Variants in SYCP1 observed in about 807,000 individuals in gnomAD.
SYCP1 encodes the protein cancer/testis antigen 8.
In SYCP1, 64 loss-of-function variants were observed where a neutral mutation model predicts 153.1. The ratio of observed to expected loss-of-function variants is 0.42; its 90% confidence interval spans 0.34 to 0.51. The LOEUF is 0.51. Among genes scored for constraint, SYCP1 ranks in the 20% least tolerant of loss-of-function variants. SYCP1 has a pLI of 0.06. For synonymous variants in SYCP1, 384 were observed against 341.8 expected, an observed-to-expected ratio of 1.12 and a Z score of -1.36; for missense variants, 997 against 1,049.0, an observed-to-expected ratio of 0.95 and a Z score of 0.68.
intron 23 of SYCP1, among the ~76,000 whole-genome samples, chr1:114,932,447 G>A (rs902704225): frequency 6.6e-6 from 1 of 152,146 alleles, no homozygotes; most frequent in Non-Finnish European, 1.5e-5. Flanking sequence ...GTTGCAAGAT[G>A]GCTGAATAGG....
rs34553973 is a variant in SYCP1, at chr1:114,988,080, CAAA to C, written c.2703+3226_2703+3228del. On this transcript the variant is annotated intron_variant, in intron 30 of 31. Transcript: ENST00000369522. ...TGAAGTTACTGAGTCTGATAAACGG[CAAA>C]AAAAAAAAAAAAAGAAAAAGAAAAG... 1.6e-3 allele frequency among the ~76,000 whole-genome samples: 178 copies of C among 114,626 alleles called. 3 individuals carry two copies. The highest frequency in any genetic ancestry group is 6.2e-3 in the African/African-American group (160 of 25,708). 75.2% of individuals were successfully genotyped at this position (114,626 alleles called of 152,430 possible).
chr1:114,978,376 C>T (rs1570905770), intron 28 of SYCP1, among the ~76,000 whole-genome samples: 1 of 151,492 alleles, frequency 6.6e-6, no homozygotes, highest in South Asian at 2.1e-4. Context: ...TCCAGCTTCT[C>T]CTTTTCTTTA....
At chr1:114,911,914 A>G (rs1668207018) in intron 18 of SYCP1, among the ~76,000 whole-genome samples, 1 of 152,022 alleles carries the variant, frequency 6.6e-6, no homozygotes, top group African/African-American at 2.4e-5. Context: ...GTTTTTGCTG[A>G]TAAAGTGTCA....
chr1:114,921,578 C>G (rs1473417155), intron 20 of SYCP1, among the ~76,000 whole-genome samples: 1 of 150,830 alleles, frequency 6.6e-6, no homozygotes, highest in East Asian at 2.0e-4. Context: ...ACTGGGGAGG[C>G]TGAGGCAGGA....
chr1:114,889,719 T>C (rs1238893113), intron 15 of SYCP1, among the ~76,000 whole-genome samples: 1 of 152,204 alleles, frequency 6.6e-6, no homozygotes, highest in Non-Finnish European at 1.5e-5. Context: ...AGATCCCATT[T>C]ATCAATTTTG....
intron 14 of SYCP1, among the ~76,000 whole-genome samples, chr1:114,887,135 G>T (rs1224337985): frequency 6.6e-6 from 1 of 151,938 alleles, no homozygotes; most frequent in Non-Finnish European, 1.5e-5. Flanking sequence ...ATTTTTGATT[G>T]ACCTATCCAG....
intron 1 of SYCP1, 197 bp from the exon 2 acceptor site, chr1:114,855,244 A>G (rs940104878): frequency 3.4e-6 from 1 of 297,904 alleles, no homozygotes; most frequent in Non-Finnish European, 6.2e-6. Flanking sequence ...GGCGAAAGGG[A>G]GAAGGAAACG....
intron 30 of SYCP1, among the ~76,000 whole-genome samples, chr1:114,986,464 A>G (rs186992218): frequency 7.1e-4 from 108 of 152,172 alleles, no homozygotes; most frequent in Admixed American, 2.3e-3. Flanking sequence ...GAATGATTCA[A>G]CATGATTCAT....
intron 19 of SYCP1, among the ~76,000 whole-genome samples, chr1:114,913,539 G>A (rs1192099887): frequency 6.6e-6 from 1 of 152,022 alleles, no homozygotes; most frequent in African/African-American, 2.4e-5. Context: ...AAGCAAAATA[G>A]TATGTCATAT....
At chr1:114,889,175 T>C (rs1666521784) in intron 15 of SYCP1, among the ~76,000 whole-genome samples, 1 of 152,224 alleles carries the variant, frequency 6.6e-6, no homozygotes, top group South Asian at 2.1e-4. Flanking sequence ...TATGTGTGCA[T>C]GTGTCTTTAT....
chr1:114,957,966 G>A (rs1373422380), intron 27 of SYCP1, among the ~76,000 whole-genome samples: 1 of 152,136 alleles, frequency 6.6e-6, no homozygotes, highest in Non-Finnish European at 1.5e-5. Flanking sequence ...TCAGCATATT[G>A]AAGAGAGATC....
intron 30 of SYCP1, among the ~76,000 whole-genome samples, chr1:114,991,650 C>T (rs1162754480): frequency 6.6e-6 from 1 of 151,708 alleles, no homozygotes; most frequent in Non-Finnish European, 1.5e-5. Context: ...AGAGGGAAAT[C>T]TCCTCAACAT....
intron 27 of SYCP1, among the ~76,000 whole-genome samples, chr1:114,966,749 A>G (rs1672155837): frequency 6.7e-6 from 1 of 148,730 alleles, no homozygotes; most frequent in Non-Finnish European, 1.5e-5. Flanking sequence ...CAGTGGCGCC[A>G]TCTTGACTCA....
At chr1:114,899,490 T>C (rs892662131) in intron 16 of SYCP1, among the ~76,000 whole-genome samples, 8 of 152,208 alleles carry the variant, frequency 5.3e-5, no homozygotes, top group Admixed American at 6.5e-5. Context: ...ATCTTCAAAG[T>C]TATCAGACCT....
Position 114,995,122 on chromosome 1 carries a change from TA to T in SYCP1, c.*109del, listed in dbSNP as rs1004173820. ...CAAATTTTATCTGGAAGTTGAGACT[TA>T]AAAAATACTTGCATGAATGATTTGT... is the stretch of plus-strand genomic sequence containing the variant. On this transcript the variant is annotated 3_prime_UTR_variant, in exon 32 of 32. Coordinates refer to ENST00000369522, the MANE Select transcript of SYCP1 (RefSeq NM_003176.4). 1.8e-6 allele frequency: 2 copies of T among 1,117,140 alleles called. No individual in the cohort carries two copies. Among genetic ancestry groups the T allele is most frequent in the Non-Finnish European group, 2.5e-6 (2 of 814,662 alleles). 69.2% of individuals were successfully genotyped at this position (1,117,140 alleles called of 1,614,324 possible).
intron 12 of SYCP1, among the ~76,000 whole-genome samples, chr1:114,882,996 C>G (rs1666060363): frequency 6.6e-6 from 1 of 152,216 alleles, no homozygotes; most frequent in South Asian, 2.1e-4. Context: ...TCTATCCCAT[C>G]ATATTTCAAA....
chr1:114,962,157 AT>A (rs1269545096), intron 27 of SYCP1, among the ~76,000 whole-genome samples: 1 of 151,236 alleles, frequency 6.6e-6, no homozygotes, highest in Non-Finnish European at 1.5e-5. Flanking sequence ...TAATTTTTGT[AT>A]TTTTTTAGTA....
In SYCP1 at chr1:114,993,995, ATT is replaced by A. The variant is rs141666315; in HGVS notation, c.2704-694_2704-693del. On this transcript the variant is annotated intron_variant, in intron 30 of 31. Coordinates refer to ENST00000369522, the MANE Select transcript of SYCP1 (RefSeq NM_003176.4). ...ATACAGGATTTGTTCTTTTGTGACC[ATT>A]TTTTTTTTCATTTATGTCCTCAAGG... 9.4e-5 allele frequency among the ~76,000 whole-genome samples: 14 copies of A among 148,160 alleles called. No homozygotes were observed. In the South Asian group the frequency reaches 1.5e-3, roughly 16 times the overall value.
At chr1:114,933,982 A>G (rs1669809281) in intron 23 of SYCP1, among the ~76,000 whole-genome samples, 1 of 152,210 alleles carries the variant, frequency 6.6e-6, no homozygotes, top group Non-Finnish European at 1.5e-5. Context: ...GTTGGAAAAC[A>G]CTCTGCAGGA....
Sources: allele counts gnomAD v4.1 joint callset (sites outside exome capture counted in the v4.1 genomes callset), GRCh38; gene constraint gnomAD v4.1.1; transcripts MANE v1.5; gene names NCBI Gene and HGNC (gene_info 2026-07-23, HGNC 2026-07-21).